Variants in CPLX1 observed in about 807,000 individuals in gnomAD.
CPLX1 encodes complexin-1.
Under a neutral mutation model 15.6 loss-of-function variants are expected in CPLX1, and 6 were observed. That is an observed-to-expected ratio of 0.39 (90% confidence interval 0.21 to 0.76). CPLX1 has a LOEUF of 0.76. CPLX1 is among the 30% of genes least tolerant of loss of function. The pLI is 0.43. For missense variants in CPLX1, 242 were observed against 188.6 expected, an observed-to-expected ratio of 1.28 and a Z score of -1.66; for synonymous variants, 91 against 75.2, an observed-to-expected ratio of 1.21 and a Z score of -1.08.
chr4:816,867 A>G (rs992366643), intron 2 of CPLX1, among the ~76,000 whole-genome samples: 2 of 152,116 alleles, frequency 1.3e-5, no homozygotes, highest in African/African-American at 4.8e-5. Flanking sequence ...GGAAGAGTAT[A>G]AAGTGTGCAG....
At chr4:811,268 A>C (rs1382304080) in intron 2 of CPLX1, among the ~76,000 whole-genome samples, 2 of 152,132 alleles carry the variant, frequency 1.3e-5, no homozygotes, top group African/African-American at 4.8e-5. Context: ...CTTGGCCTCC[A>C]ATCAGCTAGT....
chr4:794,698 G>A (rs117179874), intron 2 of CPLX1, among the ~76,000 whole-genome samples: 1 of 152,318 alleles, frequency 6.6e-6, no homozygotes, highest in East Asian at 1.9e-4. Context: ...TGAGTGACCC[G>A]TGGCTCTTTC....
chr4:821,186 T>C (rs1576999087), intron 2 of CPLX1, among the ~76,000 whole-genome samples: 1 of 152,132 alleles, frequency 6.6e-6, no homozygotes, highest in African/African-American at 2.4e-5. Flanking sequence ...CCTGGCTGGG[T>C]GAGGGGCATT....
At chr4:813,427 G>A (rs1283448600) in intron 2 of CPLX1, among the ~76,000 whole-genome samples, 5 of 152,058 alleles carry the variant, frequency 3.3e-5, no homozygotes, top group African/African-American at 7.2e-5. Flanking sequence ...CTGACCAGCC[G>A]GGCAGAACCC....
intron 3 of CPLX1, 153 bp from the exon 4 acceptor site, chr4:786,851 C>T (rs1362081279): frequency 1.0e-6 from 1 of 975,016 alleles, no homozygotes; most frequent in Non-Finnish European, 1.2e-6. Context: ...GGAGAAGAGA[C>T]CCCACCCCGG....
At chr4:819,201 C>T (rs1746816110) in intron 2 of CPLX1, among the ~76,000 whole-genome samples, 1 of 152,250 alleles carries the variant, frequency 6.6e-6, no homozygotes, top group South Asian at 2.1e-4. Flanking sequence ...AACGTCTTGC[C>T]AACCAATGAG....
chr4:820,583 G>A (rs562796479), intron 2 of CPLX1, among the ~76,000 whole-genome samples: 112 of 152,248 alleles, frequency 7.4e-4, no homozygotes, highest in African/African-American at 2.6e-3. Flanking sequence ...CTTTGGTGCC[G>A]GGAAGGAGGA....
intron 2 of CPLX1, among the ~76,000 whole-genome samples, chr4:820,543 G>A (rs1385853147): frequency 6.6e-6 from 1 of 152,200 alleles, no homozygotes; most frequent in African/African-American, 2.4e-5. Context: ...GGCCCTGCCT[G>A]AGGTCCCAGA....
chr4:798,399 G>A (rs1019502184), intron 2 of CPLX1, among the ~76,000 whole-genome samples: 5 of 151,924 alleles, frequency 3.3e-5, no homozygotes, highest in African/African-American at 1.2e-4. Context: ...CAATGAGGGT[G>A]AGGATAGTCC....
chr4:807,421 C>T (rs965163299), intron 2 of CPLX1, among the ~76,000 whole-genome samples: 4 of 151,994 alleles, frequency 2.6e-5, no homozygotes, highest in African/African-American at 2.4e-5. Flanking sequence ...TCATGGTACA[C>T]GTTTACTACC....
intron 2 of CPLX1, chr4:805,009 C>T (rs1746528998): frequency 2.3e-6 from 2 of 860,792 alleles, no homozygotes; most frequent in Non-Finnish European, 1.4e-6. Context: ...GAGAAACGTG[C>T]CCACGCACGC....
intron 2 of CPLX1, among the ~76,000 whole-genome samples, chr4:798,551 C>T (rs1341174994): frequency 6.6e-6 from 1 of 152,084 alleles, no homozygotes; most frequent in Non-Finnish European, 1.5e-5. Context: ...GCCACCATGC[C>T]CAGCTAATTT....
At chr4:798,089 A>T (rs1263229353) in intron 2 of CPLX1, among the ~76,000 whole-genome samples, 1 of 152,092 alleles carries the variant, frequency 6.6e-6, no homozygotes, top group Non-Finnish European at 1.5e-5. Flanking sequence ...AGCCTGATGG[A>T]CATGGTGAAA....
chr4:823,293 G>T (rs760796543), intron 2 of CPLX1, among the ~76,000 whole-genome samples: 1 of 152,180 alleles, frequency 6.6e-6, no homozygotes, highest in Non-Finnish European at 1.5e-5. Context: ...CAGGGATGTG[G>T]CCCCAGGACA....
At chr4:812,923 A>T (rs1274064679) in intron 2 of CPLX1, among the ~76,000 whole-genome samples, 1 of 152,150 alleles carries the variant, frequency 6.6e-6, no homozygotes, top group Non-Finnish European at 1.5e-5. Flanking sequence ...TGGATTGAAC[A>T]TATATGCTTA....
At chr4:808,436 G>A (rs1272049705) in intron 2 of CPLX1, among the ~76,000 whole-genome samples, 2 of 152,044 alleles carry the variant, frequency 1.3e-5, no homozygotes, top group Non-Finnish European at 2.9e-5. Context: ...AAACGCTCAC[G>A]CTCCCGGCAA....
rs984300244 is a variant in CPLX1, at chr4:805,483, G to A, written c.32-12875C>T. 1.3e-5 allele frequency among the ~76,000 whole-genome samples: 2 copies of A among 152,210 alleles called. 1 individual carries two copies. The highest frequency in any genetic ancestry group is 4.8e-5 in the African/African-American group (2 of 41,446). On this transcript the variant is annotated intron_variant, in intron 2 of 3. Transcript: ENST00000304062. ...TGTTGGCAACAATGTGAAGAAACTG[G>A]AACCCTGTGCCTTGTTGTTGGGAAT...
intron 2 of CPLX1, among the ~76,000 whole-genome samples, chr4:794,912 G>C (rs1577472436): frequency 6.6e-6 from 1 of 152,202 alleles, no homozygotes; most frequent in African/African-American, 2.4e-5. Flanking sequence ...AGAGCACCAG[G>C]TGTGCTGCGC....
At chr4:819,669 C>T (rs1183738198) in intron 2 of CPLX1, among the ~76,000 whole-genome samples, 1 of 152,246 alleles carries the variant, frequency 6.6e-6, no homozygotes, top group East Asian at 1.9e-4. Flanking sequence ...CTGCCCAACA[C>T]CCGGCCTCTG....
Sources: allele counts gnomAD v4.1 joint callset (sites outside exome capture counted in the v4.1 genomes callset), GRCh38; gene constraint gnomAD v4.1.1; transcripts MANE v1.5; gene names NCBI Gene and HGNC (gene_info 2026-07-23, HGNC 2026-07-21).